The following NRP1 variants were observed in gnomAD, a reference collection of about 807,000 sequenced individuals.
The protein encoded by NRP1 is neuropilin 1.
Under a neutral mutation model 106.7 loss-of-function variants are expected in NRP1, and 35 were observed. The ratio of observed to expected loss-of-function variants is 0.33; its 90% CI spans 0.25 to 0.43. The LOEUF (loss-of-function observed/expected upper bound fraction) is 0.43. Among genes scored for constraint, NRP1 ranks in the 20% least tolerant of loss-of-function variants. The probability of loss-of-function intolerance (pLI) is 1.00; values close to 1 mark genes in which losing one functional copy is unlikely to be tolerated. For synonymous variants in NRP1, 437 were observed against 417.9 expected, an observed-to-expected ratio of 1.05 and a Z score of -0.56; for missense variants, 1,024 against 1,170.4, an observed-to-expected ratio of 0.87 and a Z score of 1.83.
At chr10:33,262,025 A>C (rs1842609889) in intron 4 of NRP1, among the ~76,000 whole-genome samples, 1 of 152,074 alleles carries the variant, frequency 6.6e-6, no homozygotes, top group Admixed American at 6.6e-5. Context: ...TAGGAGCCAC[A>C]GCACCCGGTC....
intron 7 of NRP1, among the ~76,000 whole-genome samples, chr10:33,223,547 G>A (rs564900948): frequency 1.4e-4 from 22 of 152,172 alleles, no homozygotes; most frequent in Non-Finnish European, 2.2e-4. Context: ...AGGATGGCTT[G>A]AGCCCAGGAA....
intron 11 of NRP1, among the ~76,000 whole-genome samples, chr10:33,199,970 C>G (rs1837151345): frequency 6.6e-6 from 1 of 152,170 alleles, no homozygotes; most frequent in Non-Finnish European, 1.5e-5. Context: ...AACTGCAGCA[C>G]CAAGTCATGG....
chr10:33,256,463 G>A lies in NRP1; in HGVS notation c.667C>T (p.His223Tyr). 6.2e-7 allele frequency: 1 copy of A among 1,614,062 alleles called. No homozygotes were observed. The highest frequency in any genetic ancestry group is 8.5e-7 in the Non-Finnish European group (1 of 1,179,942). The change falls in exon 5 of 17, where the codon CAC becomes TAC. Residue 223 changes from histidine (H) to tyrosine (Y), a missense_variant. Physicochemically the swap from His to Tyr is moderately conservative, Grantham distance 83. This residue lies in a region of NRP1 where 279 missense variants were observed against 327.4 expected (regional missense o/e 0.85). Coordinates refer to ENST00000374867, the MANE Select transcript of NRP1 (RefSeq NM_003873.7). Reference protein sequence around the residue: ...IWDGFPDVGPHIGRYCGQKTP... With the variant: ...IWDGFPDVGPYIGRYCGQKTP... ...TTCTGTCCACAGTAACGCCCAATGT[G>A]AGGGCCAACTGGAAAGGGAGGAATA...
intron 2 of NRP1, among the ~76,000 whole-genome samples, chr10:33,277,217 G>C (rs146963880): frequency 1.2e-4 from 18 of 152,276 alleles, no homozygotes; most frequent in African/African-American, 3.8e-4. Context: ...ATCAGTGCAT[G>C]TGTGAGTGTA....
chr10:33,331,909 A>C (rs1385828176), intron 1 of NRP1, among the ~76,000 whole-genome samples: 1 of 152,260 alleles, frequency 6.6e-6, no homozygotes, highest in East Asian at 1.9e-4. Context: ...GTATGAAAAC[A>C]GTGAAATATA....
At position 33,180,311 on chromosome 10, in the gene NRP1, T is replaced by A. The variant is rs781376715; in HGVS notation, c.2537A>T (p.Lys846Met). Residue 846 changes from lysine to methionine, a missense_variant, in exon 17 of 17, where the codon AAG becomes ATG. Physicochemically the swap from Lys to Met is moderately conservative, Grantham distance 95. Transcript: ENST00000374867. ...EGEGDKNISR[K>M]PGNVLKTLDP... ...TAAGGTCTTCAACACATTGCCTGGC[T>A]TCCTGGAGATGTTCTTGTCACCTTC... 1.2e-6 allele frequency: 2 copies of A among 1,607,998 alleles called. No homozygotes were observed. The highest frequency in any genetic ancestry group is 1.7e-6 in the Non-Finnish European group (2 of 1,175,066).
intron 11 of NRP1, chr10:33,202,483 C>A: frequency 1.2e-6 from 1 of 854,192 alleles, no homozygotes; most frequent in Non-Finnish European, 1.7e-6. Flanking sequence ...GATAAAGGAT[C>A]CACTCAAAAA....
chr10:33,193,556 C>T (rs797000329), intron 12 of NRP1, among the ~76,000 whole-genome samples: 2 of 152,104 alleles, frequency 1.3e-5, no homozygotes, highest in Admixed American at 6.5e-5. Context: ...AACAGGAAGG[C>T]GCCTGGGGCA....
intron 6 of NRP1, among the ~76,000 whole-genome samples, chr10:33,240,691 T>C (rs1381710614): frequency 6.6e-6 from 1 of 152,142 alleles, no homozygotes; most frequent in African/African-American, 2.4e-5. Flanking sequence ...AACTTGGAAG[T>C]GCAGGTGTCC....
intron 2 of NRP1, among the ~76,000 whole-genome samples, chr10:33,306,593 T>C (rs938102721): frequency 7.8e-6 from 1 of 127,908 alleles, no homozygotes; most frequent in Non-Finnish European, 1.7e-5. Context: ...AATTAAGACA[T>C]ATTATTTCAG....
chr10:33,186,741 T>A (rs1332469603), intron 13 of NRP1, among the ~76,000 whole-genome samples: 2 of 152,226 alleles, frequency 1.3e-5, no homozygotes, highest in Admixed American at 1.3e-4. Context: ...TATAATGGAA[T>A]GCATTTTCAT....
intron 2 of NRP1, among the ~76,000 whole-genome samples, chr10:33,297,358 T>A (rs1206387330): frequency 1.3e-5 from 2 of 152,202 alleles, no homozygotes; most frequent in Non-Finnish European, 2.9e-5. Flanking sequence ...CTGGGGCCTC[T>A]GAAAATTGTA....
chr10:33,231,534 T>C (rs1840127891), intron 6 of NRP1, among the ~76,000 whole-genome samples: 1 of 152,248 alleles, frequency 6.6e-6, no homozygotes. Flanking sequence ...AGTGCCACTA[T>C]TTTTTCTACA....
chr10:33,300,180 G>A (rs1184224408), intron 2 of NRP1, among the ~76,000 whole-genome samples: 8 of 152,188 alleles, frequency 5.3e-5, no homozygotes, highest in African/African-American at 1.9e-4. Context: ...TAACCTTGGT[G>A]TCAAAGTGTT....
At chr10:33,199,285 C>G (rs1355301553) in intron 11 of NRP1, among the ~76,000 whole-genome samples, 2 of 145,970 alleles carry the variant, frequency 1.4e-5, no homozygotes, top group Non-Finnish European at 3.0e-5. Context: ...TGGCCTCAAA[C>G]TTCTGGGCTC....
intron 13 of NRP1, among the ~76,000 whole-genome samples, chr10:33,190,189 T>C (rs191365231): frequency 1.3e-5 from 2 of 152,376 alleles, no homozygotes; most frequent in East Asian, 3.9e-4. Flanking sequence ...ATTAGCACTT[T>C]ACTTCTGCAA....
At position 33,197,699 on chromosome 10, in the gene NRP1, A is replaced by C; in HGVS notation, c.1875T>G (p.Thr625=). 6.3e-7 allele frequency: 1 copy of C among 1,597,356 alleles called. No homozygotes were observed. The highest frequency in any genetic ancestry group is 8.5e-7 in the Non-Finnish European group (1 of 1,170,664). ...GDDFQLTGGT[T]VLATEKPTVI... ...CCGTGGGCTTTTCTGTGGCCAGCAC[A>C]GTGGTGCCACCTGAAAAACAAAAAC... The change falls in exon 12 of 17, where the codon ACT becomes ACG. Residue 625 remains threonine (T), a synonymous_variant. Transcript: ENST00000374867.
rs760005002 is a variant in NRP1 at position 33,186,350 on chromosome 10, C to A, written c.2201G>T (p.Gly734Val). The change falls in exon 14 of 17, where the codon GGC (glycine) becomes GTC (valine). Residue 734 changes from glycine (G) to valine (V), a missense_variant. Physicochemically the swap from Gly to Val is moderately radical, Grantham distance 109 (BLOSUM62 -3). Around this residue, in one of 5 missense-constraint regions of NRP1, gnomAD observed 562 missense variants for 620.3 expected, o/e 0.91. Coordinates refer to ENST00000374867, the MANE Select transcript of NRP1 (RefSeq NM_003873.7). ...GTAGCGCAGTTTGACCCTGAGTGTG[C>A]CGACGTGGGACCCAGACATGTGATA... ...FWYHMSGSHV[G>V]TLRVKLRYQK... The A allele has an allele frequency of 3.7e-6, 6 of 1,614,096 alleles. No homozygotes were observed. The highest frequency in any genetic ancestry group is 4.2e-6 in the Non-Finnish European group (5 of 1,180,026).
At chr10:33,269,123 C>A (rs544217500) in intron 3 of NRP1, among the ~76,000 whole-genome samples, 2 of 152,086 alleles carry the variant, frequency 1.3e-5, no homozygotes, top group African/African-American at 4.8e-5. Context: ...ACATTCAAAT[C>A]TTGATCCTCT....
Sources: gnomAD v4.1 joint callset for allele counts (sites outside exome capture counted in the v4.1 genomes callset) on GRCh38, gnomAD v4.1.1 for gene constraint, gnomAD v4.1.1 regional missense constraint, MANE v1.5 for transcripts, NCBI Gene and HGNC (gene_info 2026-07-23, HGNC 2026-07-21) for gene names.